ZDHHC13: variants seen among roughly 807,000 people sequenced by gnomAD.
The protein encoded by ZDHHC13 is zDHHC palmitoyltransferase 13.
A neutral mutation model predicts 86.0 loss-of-function variants in ZDHHC13; 85 were observed. The observed-to-expected ratio is 0.99, with a 90% CI of 0.83 to 1.18. ZDHHC13 has a LOEUF of 1.18. Among genes scored for constraint, ZDHHC13 ranks in the 50% most tolerant of loss-of-function variants. The probability of loss-of-function intolerance (pLI) is 0.00; values close to 1 mark genes in which losing one functional copy is unlikely to be tolerated. For synonymous variants in ZDHHC13, 263 were observed against 246.4 expected (o/e 1.07, Z -0.63); for missense variants, 711 against 730.2 (o/e 0.97, Z 0.30).
At position 19,141,016 on chromosome 11, in the gene ZDHHC13, GTAAC is replaced by G. The variant is rs534517078; in HGVS notation, c.28-1957_28-1954del. On this transcript the variant is annotated intron_variant, in intron 1 of 16. Transcript: ENST00000446113. The stretch of plus-strand genomic sequence containing the variant: ...ACCGGCATGGCACATGTATACATAT[GTAAC>G]TAACCTGCACATTGTGCACATGTAC... Among the ~76,000 whole-genome samples the G allele has an allele frequency of 6.6e-3, 999 of 151,458 alleles. 8 individuals carry two copies. The highest frequency in any genetic ancestry group is 0.023 in the African/African-American group (940 of 41,214).
In ZDHHC13 at chr11:19,152,569, C is replaced by A; in HGVS notation, c.758C>A (p.Pro253His). 1 of 1,610,364 alleles carries A rather than the reference C, an allele frequency of 6.2e-7. No individual in the cohort carries two copies. The highest frequency in any genetic ancestry group is 8.5e-7 in the Non-Finnish European group (1 of 1,178,380). Reference sequence around the variant, plus strand: ...CTACTCTTTTTTAAGGGAGAAACACCTCTTGATATGGCTCTACAAAACAAA... The same window carrying A: ...CTACTCTTTTTTAAGGGAGAAACACATCTTGATATGGCTCTACAAAACAAA... ...LDIQNVKGET[P>H]LDMALQNKNQ... The change falls in exon 8 of 17, where the codon CCT (proline) becomes CAT (histidine). Residue 253 changes from proline to histidine, a missense_variant. Physicochemically the swap from Pro to His is moderately conservative, Grantham distance 77 (BLOSUM62 -2). Coordinates refer to ENST00000446113, the MANE Select transcript of ZDHHC13 (RefSeq NM_019028.3).
intron 1 of ZDHHC13, among the ~76,000 whole-genome samples, chr11:19,140,517 A>G (rs1371550201): frequency 1.3e-5 from 2 of 152,224 alleles, no homozygotes; most frequent in South Asian, 2.1e-4. Context: ...GCGATTCCTC[A>G]GGGATCTAGA....
chr11:19,138,179 GAAA>G (rs1168838053), intron 1 of ZDHHC13, among the ~76,000 whole-genome samples: 2 of 150,854 alleles, frequency 1.3e-5, no homozygotes, highest in African/African-American at 4.9e-5. Context: ...GACTAATAAA[GAAA>G]AAAAGAGAGA....
rs934868825 is a variant in ZDHHC13, at chr11:19,172,947, C to T, written c.1730+127C>T. On this transcript the variant is annotated intron_variant, in intron 16 of 16. Transcript: ENST00000446113. ...TTTGCCATCTAGTACAGTTGACCCC[C>T]CTTTTCTTAGAGAAGCTTTAGTGAT... The T allele has an allele frequency of 1.8e-5, 14 of 760,798 alleles. 1 individual carries two copies. The Middle Eastern group carries it at 7.7e-4, about 42-fold the overall frequency. The allele number at this position is 760,798 out of a possible 1,614,324, so 47.1% of individuals were successfully genotyped here.
chr11:19,167,191 C>G (rs1439835899), intron 14 of ZDHHC13: 2 of 152,158 alleles, frequency 1.3e-5, no homozygotes, highest in Admixed American at 6.5e-5. Flanking sequence ...GAATTGGGCT[C>G]TAAACACAGA....
At chr11:19,147,744 A>G in intron 4 of ZDHHC13, 71 bp downstream of exon 4, 1 of 1,092,286 alleles carries the variant, frequency 9.2e-7, no homozygotes, top group South Asian at 1.5e-5. Flanking sequence ...AAAATCAGTT[A>G]TAGACGATTT....
At chr11:19,173,240 C>A (rs1194209012) in intron 16 of ZDHHC13, among the ~76,000 whole-genome samples, 1 of 152,192 alleles carries the variant, frequency 6.6e-6, no homozygotes, top group Non-Finnish European at 1.5e-5. Flanking sequence ...CTTTCTATCA[C>A]CACTAATTCT....
chr11:19,119,005 A>G (rs1848703540), intron 1 of ZDHHC13, among the ~76,000 whole-genome samples: 1 of 152,266 alleles, frequency 6.6e-6, no homozygotes, highest in Admixed American at 6.5e-5. Context: ...AGACAAAAAC[A>G]TTACTGCTCT....
Position 19,170,398 on chromosome 11 carries a change from G to A in ZDHHC13, c.1475-13G>A. 1.2e-6 allele frequency: 1 copy of A among 829,382 alleles called. No individual in the cohort carries two copies. Among genetic ancestry groups the A allele is most frequent in the Non-Finnish European group, 1.5e-6 (1 of 686,928 alleles). 51.4% of individuals were successfully genotyped at this position (829,382 alleles called of 1,614,324 possible). A position where few individuals can be genotyped will look rare whatever the true frequency, so the allele number is the denominator to read the frequency against. On this transcript the variant is annotated splice_polypyrimidine_tract_variant and intron_variant, in intron 14 of 16. Coordinates refer to ENST00000446113, the MANE Select transcript of ZDHHC13 (RefSeq NM_019028.3). ...GCCTTTTTTTTTTTTTTTTTTTTTT[G>A]GTGAATTCACAGATTTGTCCAGTCA...
intron 2 of ZDHHC13, among the ~76,000 whole-genome samples, chr11:19,143,446 T>C (rs1356884537): frequency 6.6e-6 from 1 of 152,242 alleles, no homozygotes; most frequent in African/African-American, 2.4e-5. Context: ...TGATTTTAAA[T>C]GACACTAAGC....
chr11:19,138,931 TCTATGACAAACCCA>T (rs1369637987), intron 1 of ZDHHC13, among the ~76,000 whole-genome samples: 1 of 151,208 alleles, frequency 6.6e-6, no homozygotes, highest in East Asian at 1.9e-4. Context: ...ATAAGAGCTA[TCTATGACAAACCCA>T]CAGCCAATAT....
rs1455364120 is a variant in ZDHHC13, at chr11:19,152,568, C to G, written c.757C>G (p.Pro253Ala). Residue 253 changes from proline to alanine, a missense_variant, in exon 8 of 17, where the codon CCT becomes GCT. Transcript: ENST00000446113. ...LDIQNVKGET[P>A]LDMALQNKNQ... ...CCTACTCTTTTTTAAGGGAGAAACA[C>G]CTCTTGATATGGCTCTACAAAACAA... The G allele has an allele frequency of 1.9e-6, 3 of 1,610,354 alleles. No homozygotes were observed. The highest frequency in any genetic ancestry group is 2.5e-6 in the Non-Finnish European group (3 of 1,178,340).
At chr11:19,136,546 T>A (rs1236347691) in intron 1 of ZDHHC13, among the ~76,000 whole-genome samples, 1 of 152,022 alleles carries the variant, frequency 6.6e-6, no homozygotes, top group East Asian at 1.9e-4. Flanking sequence ...AGGCCAACAT[T>A]CAGATTCAGG....
chr11:19,154,694 T>C (rs1049266245), intron 8 of ZDHHC13, among the ~76,000 whole-genome samples: 3 of 152,206 alleles, frequency 2.0e-5, no homozygotes, highest in Non-Finnish European at 2.9e-5. Flanking sequence ...TTGATCTCCA[T>C]GTGACATTTG....
chr11:19,125,431 C>T (rs1848852461), intron 1 of ZDHHC13, among the ~76,000 whole-genome samples: 1 of 152,046 alleles, frequency 6.6e-6, no homozygotes, highest in East Asian at 1.9e-4. Context: ...ATGAGATGCC[C>T]CTATACATCT....
intron 1 of ZDHHC13, among the ~76,000 whole-genome samples, chr11:19,135,982 G>A (rs1328482323): frequency 2.0e-5 from 3 of 151,982 alleles, no homozygotes; most frequent in East Asian, 1.9e-4. Flanking sequence ...AAAAAACAGA[G>A]CAGAAAAACT....
chr11:19,137,549 G>C (rs1320612895), intron 1 of ZDHHC13, among the ~76,000 whole-genome samples: 4 of 151,714 alleles, frequency 2.6e-5, no homozygotes, highest in Non-Finnish European at 4.4e-5. Context: ...ATTGAACTCA[G>C]CTCTGCACCA....
chr11:19,172,942 A>AC (rs35326849), intron 16 of ZDHHC13, 122 bp downstream of exon 16: 3 of 784,008 alleles, frequency 3.8e-6, no homozygotes, highest in East Asian at 3.0e-5. Context: ...AGTACAGTTG[A>AC]CCCCCCTTTT....
rs191291860 is a variant in ZDHHC13, at chr11:19,163,568, C to T, written c.1233+141C>T. 25 of 901,040 alleles carry T rather than the reference C, an allele frequency of 2.8e-5. No homozygotes were observed. The East Asian group carries it at 5.0e-4, about 18-fold the overall frequency. 55.8% of individuals were successfully genotyped at this position (901,040 alleles called of 1,614,324 possible). On this transcript the variant is annotated intron_variant, in intron 11 of 16. Coordinates refer to ENST00000446113, the MANE Select transcript of ZDHHC13 (RefSeq NM_019028.3). ...ATATAGCAAAAATTAGATTTCCACT[C>T]TTACAGTTTTTTCATTTATGTATAT...
Sources: gnomAD v4.1 joint callset for allele counts (sites outside exome capture counted in the v4.1 genomes callset) on GRCh38, gnomAD v4.1.1 for gene constraint, MANE v1.5 for transcripts, NCBI Gene and HGNC (gene_info 2026-07-23, HGNC 2026-07-21) for gene names.